ZNF385D: variants seen among roughly 807,000 people sequenced by gnomAD.
ZNF385D encodes the protein zinc finger protein 659.
ZNF385D carries 15 observed loss-of-function variants against 35.8 expected under a neutral mutation model. That is an observed-to-expected ratio of 0.42 (90% CI 0.28 to 0.64). The LOEUF (loss-of-function observed/expected upper bound fraction) is 0.64, where lower values mean the gene tolerates loss of function less well. Ranked by LOEUF, ZNF385D falls within the 30% of genes least tolerant of loss-of-function variation. ZNF385D has a pLI of 0.23. For synonymous variants in ZNF385D, 212 were observed against 186.8 expected (o/e 1.13, Z -1.10); for missense variants, 474 against 494.6 (o/e 0.96, Z 0.39).
chr3:21,779,877 T>C (rs992432899), intron 3 of ZNF385D, among the ~76,000 whole-genome samples: 4 of 151,984 alleles, frequency 2.6e-5, no homozygotes, highest in African/African-American at 9.7e-5. Flanking sequence ...TGGTCCTCAC[T>C]ATATTTCCTC....
intron 3 of ZNF385D, among the ~76,000 whole-genome samples, chr3:22,090,732 G>T (rs190028271): frequency 4.0e-3 from 608 of 152,242 alleles, no homozygotes; most frequent in Non-Finnish European, 5.6e-3. Context: ...TTGGAAGGGG[G>T]ACATACGTTT....
At chr3:21,826,373 T>C (rs1240482898) in intron 3 of ZNF385D, among the ~76,000 whole-genome samples, 1 of 152,146 alleles carries the variant, frequency 6.6e-6, no homozygotes, top group Non-Finnish European at 1.5e-5. Flanking sequence ...AGTGGCCCTG[T>C]TCAGTGCTAG....
intron 3 of ZNF385D, among the ~76,000 whole-genome samples, chr3:21,931,554 G>A (rs1329977377): frequency 6.6e-6 from 1 of 152,032 alleles, no homozygotes; most frequent in Non-Finnish European, 1.5e-5. Flanking sequence ...AGTACAAGAC[G>A]GCATATTCGT....
chr3:22,093,979 G>T (rs1397962229), intron 3 of ZNF385D, among the ~76,000 whole-genome samples: 1 of 152,010 alleles, frequency 6.6e-6, no homozygotes, highest in Non-Finnish European at 1.5e-5. Flanking sequence ...GTATTCCAGG[G>T]AAACTAGCAC....
At chr3:22,167,542 A>G (rs1356551741) in intron 3 of ZNF385D, among the ~76,000 whole-genome samples, 1 of 152,128 alleles carries the variant, frequency 6.6e-6, no homozygotes, top group Non-Finnish European at 1.5e-5. Flanking sequence ...GGACCCACCA[A>G]TCATGGGTAC....
chr3:21,564,431 C>G, intron 3 of ZNF385D, 143 bp downstream of exon 3: 1 of 465,446 alleles, frequency 2.1e-6, no homozygotes, highest in South Asian at 5.8e-5. Context: ...AAAATTAAAG[C>G]ACATAGTGAG....
intron 2 of ZNF385D, among the ~76,000 whole-genome samples, chr3:22,370,886 A>T (rs937278541): frequency 1.3e-5 from 2 of 152,206 alleles, no homozygotes; most frequent in African/African-American, 2.4e-5. Flanking sequence ...AAAATAATTC[A>T]GAAGCCCCGA....
chr3:21,670,584 T>G (rs946548930), intron 1 of ZNF385D, among the ~76,000 whole-genome samples: 3 of 145,014 alleles, frequency 2.1e-5, no homozygotes, highest in African/African-American at 7.7e-5. Context: ...GATCTGATCC[T>G]ACTAATAAGA....
chr3:21,879,570 A>C (rs970492842), intron 3 of ZNF385D, among the ~76,000 whole-genome samples: 4 of 151,998 alleles, frequency 2.6e-5, no homozygotes, highest in South Asian at 4.1e-4. Context: ...TTATTACTAT[A>C]GGTATGAAGT....
chr3:21,977,588 G>C (rs1156430290), intron 3 of ZNF385D, among the ~76,000 whole-genome samples: 2 of 152,138 alleles, frequency 1.3e-5, no homozygotes, highest in East Asian at 1.9e-4. Flanking sequence ...GGAGGCCATA[G>C]TGGGAAGAGT....
At chr3:21,906,315 T>G (rs1029589689) in intron 3 of ZNF385D, among the ~76,000 whole-genome samples, 1 of 152,190 alleles carries the variant, frequency 6.6e-6, no homozygotes, top group Non-Finnish European at 1.5e-5. Flanking sequence ...AAGATGAACA[T>G]AGAAAGACGC....
intron 4 of ZNF385D, among the ~76,000 whole-genome samples, chr3:21,450,503 G>T (rs1417726751): frequency 6.6e-6 from 1 of 152,092 alleles, no homozygotes; most frequent in Non-Finnish European, 1.5e-5. Flanking sequence ...TCAAGTTGCT[G>T]GGGGAAAAAG....
intron 3 of ZNF385D, among the ~76,000 whole-genome samples, chr3:22,074,789 T>C (rs1224659471): frequency 1.3e-5 from 2 of 151,908 alleles, no homozygotes; most frequent in Non-Finnish European, 2.9e-5. Flanking sequence ...CTTCTCATGA[T>C]AATAGATGAA....
chr3:22,080,250 G>A (rs967687135), intron 3 of ZNF385D, among the ~76,000 whole-genome samples: 32 of 152,094 alleles, frequency 2.1e-4, no homozygotes, highest in African/African-American at 7.5e-4. Flanking sequence ...TGACACAGTA[G>A]AGTCTAAAAG....
chr3:21,418,114 T>C lies in ZNF385D; in HGVS notation c.*3100A>G, dbSNP rs890835449. 3 of 152,154 alleles carry C rather than the reference T, an allele frequency of 2.0e-5. No homozygotes were observed. Among genetic ancestry groups the C allele is most frequent in the Admixed American group, 2.0e-4 (3 of 15,270 alleles). The allele number at this position is 152,154 out of a possible 1,614,324, so 9.4% of individuals were successfully genotyped here. On this transcript the variant is annotated 3_prime_UTR_variant, in exon 8 of 8. Transcript: ENST00000281523. The stretch of plus-strand genomic sequence containing the variant: ...TCTGATTGAGGTGCAACAATGCTTT[T>C]TCCAGAGGCATTTGGCTTCTGCAAT...
In ZNF385D at chr3:21,804,509, G is replaced by A. The variant is rs185338665; in HGVS notation, c.326-139481C>T. On this transcript the variant is annotated intron_variant, in intron 3 of 5. Transcript: ENST00000494108. Reference sequence around the variant, plus strand: ...AACAAGAGATGATTCAAAAGCAGAGGGAGTGATATTTCTTTTTCATTTGTC... The same window carrying A: ...AACAAGAGATGATTCAAAAGCAGAGAGAGTGATATTTCTTTTTCATTTGTC... 6.6e-5 allele frequency among the ~76,000 whole-genome samples: 10 copies of A among 152,204 alleles called. No homozygotes were observed. The East Asian group carries it at 1.7e-3, about 27-fold the overall frequency.
intron 3 of ZNF385D, among the ~76,000 whole-genome samples, chr3:22,022,668 A>G (rs1256982715): frequency 6.6e-6 from 1 of 152,190 alleles, no homozygotes; most frequent in Non-Finnish European, 1.5e-5. Context: ...ATATGTCTTA[A>G]GCAAACTCAA....
intron 4 of ZNF385D, among the ~76,000 whole-genome samples, chr3:21,508,724 A>C (rs1706972134): frequency 6.6e-6 from 1 of 152,160 alleles, no homozygotes; most frequent in Non-Finnish European, 1.5e-5. Context: ...AATTCTGTTA[A>C]ACTTCCCTAA....
chr3:21,686,293 TTA>T (rs1281290013), intron 1 of ZNF385D, among the ~76,000 whole-genome samples: 1 of 152,214 alleles, frequency 6.6e-6, no homozygotes, highest in Non-Finnish European at 1.5e-5. Context: ...GTTGCTATAA[TTA>T]TTTTTGGCAA....
Sources: allele counts gnomAD v4.1 joint callset (sites outside exome capture counted in the v4.1 genomes callset), GRCh38; gene constraint gnomAD v4.1.1; transcripts MANE v1.5; gene names NCBI Gene and HGNC (gene_info 2026-07-23, HGNC 2026-07-21).